The following RIPK4 variants were observed in gnomAD, a reference collection of about 807,000 sequenced individuals.
The protein encoded by RIPK4 is receptor interacting serine/threonine kinase 4, also known as receptor-interacting serine/threonine-protein kinase 4.
In RIPK4, 17 loss-of-function variants were observed where a neutral mutation model predicts 42.9. The ratio of observed to expected loss-of-function variants is 0.40; its 90% CI spans 0.27 to 0.59. The LOEUF (loss-of-function observed/expected upper bound fraction) is 0.59. Among genes scored for constraint, RIPK4 ranks in the 20% least tolerant of loss-of-function variants. The pLI is 0.47. For missense variants in RIPK4, 897 were observed against 1,104.4 expected, an observed-to-expected ratio of 0.81 and a Z score of 2.66; for synonymous variants, 498 against 499.1, an observed-to-expected ratio of 1.00 and a Z score of 0.03.
Position 41,740,826 on chromosome 21 carries a change from G to A in RIPK4, c.*12C>T, listed in dbSNP as rs1017775816. 2.1e-5 allele frequency: 33 copies of A among 1,586,774 alleles called. No homozygotes were observed. The highest frequency in any genetic ancestry group is 5.4e-5 in the African/African-American group (4 of 74,416). ...AGCCCCACGTGGACCCCCGGTCTCC[G>A]CAGGCAGCCAGCTAGGTCTTGCTTC... On this transcript the variant is annotated 3_prime_UTR_variant, in exon 8 of 8. Coordinates refer to ENST00000332512, the MANE Select transcript of RIPK4 (RefSeq NM_020639.3).
In RIPK4 at chr21:41,741,151, C is replaced by T. The variant is rs747005606; in HGVS notation, c.2042G>A (p.Gly681Glu). 1.9e-6 allele frequency: 3 copies of T among 1,612,860 alleles called. No individual in the cohort carries two copies. The highest frequency in any genetic ancestry group is 2.5e-6 in the Non-Finnish European group (3 of 1,179,826). The change falls in exon 8 of 8, where the codon GGA (glycine) becomes GAA (glutamate). Residue 681 changes from glycine to glutamate, a missense_variant. By Grantham distance (98) the Gly-to-Glu change is moderately conservative. Transcript: ENST00000332512. ...AAGCAGCTTGACAGTGGCCAGGTGT[C>T]CGTTGCGGGCAGCCAGGTGCAGAGC... ...YTALHLAARN[G>E]HLATVKLLVE...
intron 1 of RIPK4, among the ~76,000 whole-genome samples, chr21:41,763,669 T>C (rs974168148): frequency 2.0e-5 from 3 of 152,110 alleles, no homozygotes; most frequent in Non-Finnish European, 2.9e-5. Context: ...CCAATCCAAT[T>C]ATGTTCCCAG....
At chr21:41,764,598 G>A (rs1032456399) in intron 1 of RIPK4, among the ~76,000 whole-genome samples, 5 of 152,294 alleles carry the variant, frequency 3.3e-5, no homozygotes, top group Non-Finnish European at 5.9e-5. Flanking sequence ...GAGGCAGCTC[G>A]TCAGAAAAGC....
chr21:41,741,829 T>C lies in RIPK4; in HGVS notation c.1364A>G (p.Lys455Arg), dbSNP rs2061155512. ...AVEAGQEECA[K>R]WLLLNNANPN... ...GTTGGCATTGTTGAGCAGCAGCCAC[T>C]TGGCGCACTCCTCTTGCCCGGCCTC... The change falls in exon 8 of 8, where the codon AAG becomes AGG. Residue 455 changes from lysine (K) to arginine (R), a missense_variant. Physicochemically the swap from Lys to Arg is conservative, Grantham distance 26. Transcript: ENST00000332512. 6.2e-7 allele frequency: 1 copy of C among 1,612,096 alleles called. No individual in the cohort carries two copies. The highest frequency in any genetic ancestry group is 1.3e-5 in the African/African-American group (1 of 74,928).
At chr21:41,754,546 C>T (rs565016773) in intron 2 of RIPK4, among the ~76,000 whole-genome samples, 83 of 152,296 alleles carry the variant, frequency 5.4e-4, no homozygotes, top group Non-Finnish European at 7.5e-4. Context: ...AGGCAGCATC[C>T]GCCCCCTGCA....
chr21:41,743,751 A>G, intron 7 of RIPK4, 131 bp downstream of exon 7: 3 of 1,195,028 alleles, frequency 2.5e-6, no homozygotes, highest in Non-Finnish European at 3.5e-6. Flanking sequence ...CTTAAGACAG[A>G]GAGAACACAA....
At position 41,741,192 on chromosome 21, in the gene RIPK4, G is replaced by A; in HGVS notation, c.2001C>T (p.Thr667=). ...LHRGAGKEAM[T]SDGYTALHLA... ...GGTGCAGAGCGGTGTAGCCGTCTGA[G>A]GTCATGGCCTCCTTGCCAGCGCCCC... is the stretch of plus-strand genomic sequence containing the variant. Residue 667 remains threonine (T), a synonymous_variant, in exon 8 of 8, where the codon ACC becomes ACT. Coordinates refer to ENST00000332512, the MANE Select transcript of RIPK4 (RefSeq NM_020639.3). 2 of 1,611,402 alleles carry A rather than the reference G, an allele frequency of 1.2e-6. No homozygotes were observed. Among genetic ancestry groups the A allele is most frequent in the Non-Finnish European group, 8.5e-7 (1 of 1,179,138 alleles).
chr21:41,749,026 C>T lies in RIPK4; in HGVS notation c.673+128G>A, dbSNP rs1368504940. On this transcript the variant is annotated intron_variant, in intron 4 of 7. Coordinates refer to ENST00000332512, the MANE Select transcript of RIPK4 (RefSeq NM_020639.3). ...TGTCTTTTCCTGCATGCAAATTACA[C>T]CACAGAGCAGCACCTATGGCAGCGT... The T allele has an allele frequency of 5.3e-6, 5 of 952,356 alleles. No individual in the cohort carries two copies. In the African/African-American group the frequency reaches 6.5e-5, roughly 12 times the overall value. The allele number at this position is 952,356 out of a possible 1,614,324, so 59.0% of individuals were successfully genotyped here.
chr21:41,763,852 T>C (rs1417280390), intron 1 of RIPK4, among the ~76,000 whole-genome samples: 1 of 152,180 alleles, frequency 6.6e-6, no homozygotes, highest in Non-Finnish European at 1.5e-5. Context: ...CACTGGCTTC[T>C]TCTGAGCATC....
At chr21:41,758,041 T>TATATAGAGAGAGAGAG (rs1452050960) in intron 1 of RIPK4, among the ~76,000 whole-genome samples, 1 of 58,520 alleles carries the variant, frequency 1.7e-5, no homozygotes, top group African/African-American at 1.0e-4. Flanking sequence ...TATATATATA[T>TATATAGAGAGAGAGAG]AGAGAGAGAG....
Position 41,741,409 on chromosome 21 carries a change from AC to A in RIPK4, c.1783del (p.Val595Ter). ...ATCCAGCGTCTGGGCGTTCACACTC[AC>A]CCCCGGCTGCTTGGCCAGCAGCTTG... ...IVKLLAKQPG[V>X]SVNAQTLDGR... On this transcript the variant is annotated frameshift_variant, in exon 8 of 8. Transcript: ENST00000332512. LOFTEE classifies it low-confidence loss of function (END_TRUNC). 1.2e-6 allele frequency: 2 copies of A among 1,612,444 alleles called. No individual in the cohort carries two copies.
At chr21:41,760,628 G>C (rs2061217724) in intron 1 of RIPK4, among the ~76,000 whole-genome samples, 1 of 152,206 alleles carries the variant, frequency 6.6e-6, no homozygotes, top group Non-Finnish European at 1.5e-5. Flanking sequence ...TCTGTTGGAA[G>C]AATCTGCAGG....
At chr21:41,747,651 A>T (rs2061175996) in intron 4 of RIPK4, among the ~76,000 whole-genome samples, 1 of 152,174 alleles carries the variant, frequency 6.6e-6, no homozygotes, top group Admixed American at 6.5e-5. Context: ...TTTCCCATTA[A>T]ATCTTGTGCA....
At position 41,757,956 on chromosome 21, in the gene RIPK4, G is replaced by A. The variant is rs573251236; in HGVS notation, c.183-1140C>T. ...GGAGGTTACAGTGAGCCGAGATCGC[G>A]CCATTGCACTCCAGCCTGGGCGACA... On this transcript the variant is annotated intron_variant, in intron 1 of 7. Coordinates refer to ENST00000332512, the MANE Select transcript of RIPK4 (RefSeq NM_020639.3). 1.7e-3 allele frequency among the ~76,000 whole-genome samples: 211 copies of A among 125,316 alleles called. 1 individual carries two copies. Among genetic ancestry groups the A allele is most frequent in the Middle Eastern group, 6.3e-3 (1 of 158 alleles). 82.2% of individuals were successfully genotyped at this position (125,316 alleles called of 152,430 possible).
At chr21:41,749,280 C>G (rs993465269) in intron 3 of RIPK4, 77 bp from the exon 4 acceptor site, 3 of 1,380,732 alleles carry the variant, frequency 2.2e-6, no homozygotes, top group Non-Finnish European at 3.1e-6. Flanking sequence ...CAGCAACAGG[C>G]GTGAAGACAC....
In RIPK4 at chr21:41,741,763, A is replaced by G; in HGVS notation, c.1430T>C (p.Met477Thr). Residue 477 changes from methionine to threonine, a missense_variant, in exon 8 of 8, where the codon ATG (methionine) becomes ACG (threonine). Met to Thr is a moderately conservative substitution (Grantham distance 81). Transcript: ENST00000332512. ...SNRRGSTPLH[M>T]AVERRVRGVV... is the part of the protein sequence containing the mutation. ...ACCCCGCACCCTCCTCTCCACGGCC[A>G]TGTGCAACGGGGTGGAGCCCCTACG... is the stretch of plus-strand genomic sequence containing the variant. 1 of 1,611,898 alleles carries G rather than the reference A, an allele frequency of 6.2e-7. No homozygotes were observed. The highest frequency in any genetic ancestry group is 8.5e-7 in the Non-Finnish European group (1 of 1,180,004).
intron 7 of RIPK4, among the ~76,000 whole-genome samples, 173 bp downstream of exon 7, chr21:41,743,709 G>A (rs183341958): frequency 3.9e-5 from 6 of 152,340 alleles, no homozygotes; most frequent in Non-Finnish European, 1.5e-5. Flanking sequence ...GACATAAGAC[G>A]GAGCCAAATG....
rs1414145180 is a variant in RIPK4, at chr21:41,758,439, G to A, written c.183-1623C>T. 2.0e-5 allele frequency among the ~76,000 whole-genome samples: 3 copies of A among 152,114 alleles called. 1 individual carries two copies. Among genetic ancestry groups the A allele is most frequent in the Non-Finnish European group, 4.4e-5 (3 of 68,044 alleles). On this transcript the variant is annotated intron_variant, in intron 1 of 7. Coordinates refer to ENST00000332512, the MANE Select transcript of RIPK4 (RefSeq NM_020639.3). ...TAATATTCTGCTGCACGAATGTACT[G>A]CGTTTTGTTCATCTGTTCGTGGGTG...
At position 41,746,690 on chromosome 21, in the gene RIPK4, G is replaced by A. The variant is rs770860869; in HGVS notation, c.755C>T (p.Pro252Leu). ...PELPPVCRAR[P>L]RACSHLIRLM... Reference sequence around the variant, plus strand: ...GCGTATCAGGTGGCTGCAGGCGCGCGGCCGGGCTCTGCACACGGGCGGCAG... The same window carrying A: ...GCGTATCAGGTGGCTGCAGGCGCGCAGCCGGGCTCTGCACACGGGCGGCAG... The change falls in exon 5 of 8, where the codon CCG becomes CTG. Residue 252 changes from proline (P) to leucine (L), a missense_variant. Pro to Leu is a moderately conservative substitution (Grantham distance 98). Coordinates refer to ENST00000332512, the MANE Select transcript of RIPK4 (RefSeq NM_020639.3). 46 of 1,610,898 alleles carry A rather than the reference G, an allele frequency of 2.9e-5. No individual in the cohort carries two copies. Among genetic ancestry groups the A allele is most frequent in the South Asian group, 5.5e-5 (5 of 91,036 alleles).
Sources: gnomAD v4.1 joint callset for allele counts (sites outside exome capture counted in the v4.1 genomes callset) on GRCh38, gnomAD v4.1.1 for gene constraint, MANE v1.5 for transcripts, NCBI Gene and HGNC (gene_info 2026-07-23, HGNC 2026-07-21) for gene names.